The following FREM1 variants were observed in gnomAD, a reference collection of about 807,000 sequenced individuals.
FREM1 encodes FRAS1-related extracellular matrix protein 1.
FREM1 carries 220 observed loss-of-function variants against 210.1 expected under a neutral mutation model. The ratio of observed to expected loss-of-function variants is 1.05; its 90% CI spans 0.94 to 1.17. The LOEUF (loss-of-function observed/expected upper bound fraction) is 1.17. Ranked by LOEUF, FREM1 falls within the 50% of genes most tolerant of loss-of-function variation. The pLI, the probability that FREM1 is intolerant of heterozygous loss-of-function variation, is 0.00. For synonymous variants in FREM1, 1,189 were observed against 980.2 expected (o/e 1.21, Z -3.98); for missense variants, 3,454 against 2,675.5 (o/e 1.29, Z -6.42).
chr9:14,756,822 G>A (rs1163697547), intron 28 of FREM1, among the ~76,000 whole-genome samples: 3 of 152,122 alleles, frequency 2.0e-5, no homozygotes, highest in African/African-American at 7.2e-5. Context: ...AAGAAAAGGA[G>A]GGAGAAAATT....
At chr9:14,901,764 T>A (rs1838826756) in intron 1 of FREM1, among the ~76,000 whole-genome samples, 1 of 152,220 alleles carries the variant, frequency 6.6e-6, no homozygotes, top group Non-Finnish European at 1.5e-5. Flanking sequence ...ACAATATAAT[T>A]AAATTTGTTA....
chr9:14,792,546 A>G (rs1054039604), intron 22 of FREM1, among the ~76,000 whole-genome samples, 197 bp downstream of exon 22: 25 of 152,190 alleles, frequency 1.6e-4, no homozygotes, highest in African/African-American at 5.1e-4. Flanking sequence ...AAGAATCTTA[A>G]TATTTGTTGA....
At chr9:14,899,416 G>GTGT (rs1176735095) in intron 1 of FREM1, among the ~76,000 whole-genome samples, 3 of 152,212 alleles carry the variant, frequency 2.0e-5, no homozygotes, top group Non-Finnish European at 2.9e-5. Flanking sequence ...AGGTGGGAGG[G>GTGT]TGTTCTCAGG....
chr9:14,740,194 T>C lies in FREM1; in HGVS notation c.6295A>G (p.Met2099Val). 1.2e-6 allele frequency: 2 copies of C among 1,613,396 alleles called. No homozygotes were observed. The highest frequency in any genetic ancestry group is 8.5e-7 in the Non-Finnish European group (1 of 1,179,552). ...NLVTVFSRQH[M>V]RWLWDIGGRK... ...CCACCAATGTCCCAGAGCCACCGCA[T>C]GTGCTGCCTGGAGAATACAGTTACA... Residue 2099 changes from methionine (M) to valine (V), a missense_variant, in exon 36 of 37, where the codon ATG (methionine) becomes GTG (valine). Met to Val is a conservative substitution (Grantham distance 21, BLOSUM62 1). Transcript: ENST00000380880.
At chr9:14,758,230 C>T (rs7040337) in intron 28 of FREM1, among the ~76,000 whole-genome samples, 26,103 of 152,064 alleles carry the variant, frequency 0.17, 2,403 homozygotes, top group Admixed American at 0.23. Context: ...TTGATGAAGG[C>T]CTGCACACTC....
Position 14,846,091 on chromosome 9 carries a change from C to A in FREM1, c.1262G>T (p.Gly421Val). 1 of 1,566,018 alleles carries A rather than the reference C, an allele frequency of 6.4e-7. No homozygotes were observed. Among genetic ancestry groups the A allele is most frequent in the Non-Finnish European group, 8.7e-7 (1 of 1,154,346 alleles). ...AGACTGCCCCTCAAGGAGACTCAGA[C>A]CTATGAAAGAAAGGAGAAAAGGGTG... ...TNAPRVSWNT[G>V]LSLLEGQSRA... The change falls in exon 8 of 37, where the codon GGT (glycine) becomes GTT (valine). Residue 421 changes from glycine (G) to valine (V), a missense_variant and splice_region_variant. Coordinates refer to ENST00000380880, the MANE Select transcript of FREM1 (RefSeq NM_001379081.2).
chr9:14,772,557 A>C (rs1847770474), intron 25 of FREM1, among the ~76,000 whole-genome samples: 2 of 152,238 alleles, frequency 1.3e-5, no homozygotes, highest in Non-Finnish European at 2.9e-5. Context: ...TATGGTTGTC[A>C]AGAATTTTTT....
chr9:14,799,870 A>C (rs1853190627), intron 20 of FREM1, among the ~76,000 whole-genome samples: 1 of 151,800 alleles, frequency 6.6e-6, no homozygotes, highest in African/African-American at 2.4e-5. Flanking sequence ...ATATGTATAC[A>C]TGTGCCATGC....
Position 14,801,635 on chromosome 9 carries a change from A to G in FREM1, c.3694+17T>C. 3.3e-6 allele frequency: 5 copies of G among 1,516,438 alleles called. No individual in the cohort carries two copies. The highest frequency in any genetic ancestry group is 4.6e-6 in the Non-Finnish European group (5 of 1,091,866). 93.9% of individuals were successfully genotyped at this position (1,516,438 alleles called of 1,614,324 possible). ...CAATCAACAATAACAAATGCATGGA[A>G]GTGGAACATGCTATACCAGTCTTGA... On this transcript the variant is annotated intron_variant, in intron 20 of 36. Coordinates refer to ENST00000380880, the MANE Select transcript of FREM1 (RefSeq NM_001379081.2).
chr9:14,773,035 G>C (rs182390145), intron 25 of FREM1, among the ~76,000 whole-genome samples: 2 of 152,234 alleles, frequency 1.3e-5, no homozygotes, highest in East Asian at 3.9e-4. Context: ...TCAACTTCTA[G>C]CTTTGTCAAA....
rs781395569 is a variant in FREM1 at position 14,842,524 on chromosome 9, G to A, written c.1530C>T (p.Phe510=). The A allele has an allele frequency of 1.9e-6, 3 of 1,614,014 alleles. No individual in the cohort carries two copies. The Admixed American group carries it at 5.0e-5, about 27-fold the overall frequency. Residue 510 remains phenylalanine, a synonymous_variant, in exon 9 of 37, where the codon TTC becomes TTT. Transcript: ENST00000380880. ...FDGHHSIRHK[F]PINVLPKDDS... ...CATCTTTGGGCAAGACGTTGATGGGGAATTTGTGACGGATGCTGTGATGGC... is the reference window on the plus strand; with the variant it reads ...CATCTTTGGGCAAGACGTTGATGGGAAATTTGTGACGGATGCTGTGATGGC...
At chr9:14,782,782 T>C (rs1849834579) in intron 24 of FREM1, among the ~76,000 whole-genome samples, 1 of 152,294 alleles carries the variant, frequency 6.6e-6, no homozygotes, top group East Asian at 1.9e-4. Context: ...GTTCTACTAA[T>C]ACTTTACATG....
intron 15 of FREM1, among the ~76,000 whole-genome samples, chr9:14,815,055 C>T (rs897392329): frequency 3.3e-5 from 5 of 152,174 alleles, no homozygotes; most frequent in African/African-American, 1.2e-4. Context: ...ACATACTGCT[C>T]TTTATTCAGA....
chr9:14,816,629 T>C (rs1335156511), intron 15 of FREM1, 149 bp downstream of exon 15: 1 of 412,508 alleles, frequency 2.4e-6, no homozygotes, highest in Non-Finnish European at 4.2e-6. Flanking sequence ...CCTCACTGGA[T>C]GCAGCTACCC....
Position 14,859,214 on chromosome 9 carries a change from T to C in FREM1, c.600A>G (p.Gly200=). The C allele has an allele frequency of 6.3e-7, 1 of 1,598,354 alleles. No homozygotes were observed. The highest frequency in any genetic ancestry group is 8.5e-7 in the Non-Finnish European group (1 of 1,171,796). The change falls in exon 4 of 37, where the codon GGA becomes GGG. Residue 200 remains glycine (G), a synonymous_variant. Transcript: ENST00000380880. ...CTGGGAAAAAACTGTGTGGCTGATC[T>C]CCACGAGGTTCTTCTGGTCGAGGCT... ...LGEPRPEEPR[G]DQPHSFFPES...
chr9:14,801,923 G>A (rs1563962091), intron 19 of FREM1, 49 bp from the exon 20 acceptor site: 4 of 1,365,756 alleles, frequency 2.9e-6, no homozygotes, highest in African/African-American at 1.4e-5. Context: ...AAGACAACTT[G>A]TCTTTCTTTG....
chr9:14,876,382 G>A (rs1446227821), intron 1 of FREM1, among the ~76,000 whole-genome samples: 3 of 152,124 alleles, frequency 2.0e-5, no homozygotes. Flanking sequence ...CTGGGCAATG[G>A]CGGGCGCCCC....
intron 10 of FREM1, among the ~76,000 whole-genome samples, chr9:14,827,944 TGTGCAGA>T (rs1213047944): frequency 1.3e-5 from 2 of 152,222 alleles, no homozygotes; most frequent in Non-Finnish European, 2.9e-5. Flanking sequence ...ACTCTGCTTG[TGTGCAGA>T]GTGCAAGAGC....
intron 36 of FREM1, 70 bp downstream of exon 36, chr9:14,740,079 G>A (rs905936795): frequency 2.7e-5 from 24 of 901,568 alleles, no homozygotes; most frequent in Non-Finnish European, 4.1e-5. Context: ...GGAAGTAGCA[G>A]GGTGGTGGTG....
Sources: gnomAD v4.1 joint callset for allele counts (sites outside exome capture counted in the v4.1 genomes callset) on GRCh38, gnomAD v4.1.1 for gene constraint, MANE v1.5 for transcripts, NCBI Gene and HGNC (gene_info 2026-07-23, HGNC 2026-07-21) for gene names.